Variants in BACE2 observed in about 807,000 individuals in gnomAD.
BACE2 encodes the protein beta-secretase 2, also known as 56 kDa aspartic-like protease.
A neutral mutation model predicts 46.2 loss-of-function variants in BACE2; 17 were observed. The ratio of observed to expected loss-of-function variants is 0.37; its 90% CI spans 0.25 to 0.55. The LOEUF is 0.55. Among genes scored for constraint, BACE2 ranks in the 20% least tolerant of loss-of-function variants. BACE2 has a pLI of 0.82. For missense variants in BACE2, 595 were observed against 698.1 expected (o/e 0.85, Z 1.66); for synonymous variants, 277 against 295.9 (o/e 0.94, Z 0.66).
At chr21:41,251,273 C>A (rs1322927722) in intron 7 of BACE2, among the ~76,000 whole-genome samples, 1 of 152,192 alleles carries the variant, frequency 6.6e-6, no homozygotes, top group African/African-American at 2.4e-5. Flanking sequence ...AAGAACCACA[C>A]AGGGGCTCCT....
chr21:41,191,875 A>T (rs55904082), intron 1 of BACE2, among the ~76,000 whole-genome samples: 2,643 of 152,252 alleles, frequency 0.017, 59 homozygotes, highest in East Asian at 0.12. Context: ...TGGGATACAA[A>T]TATCTTCACA....
chr21:41,256,648 G>A (rs1489556407), intron 7 of BACE2, among the ~76,000 whole-genome samples: 1 of 152,122 alleles, frequency 6.6e-6, no homozygotes, highest in Non-Finnish European at 1.5e-5. Context: ...CCTCTAGCCT[G>A]GAAGCCCCAC....
chr21:41,172,133 A>G (rs556112770), intron 1 of BACE2, among the ~76,000 whole-genome samples: 1 of 152,362 alleles, frequency 6.6e-6, no homozygotes, highest in East Asian at 1.9e-4. Flanking sequence ...GACAATGAGA[A>G]AAAACAATTA....
chr21:41,262,343 C>T (rs1987960649), intron 8 of BACE2, among the ~76,000 whole-genome samples: 1 of 152,074 alleles, frequency 6.6e-6, no homozygotes. Flanking sequence ...TTGTCATGTA[C>T]CAAGTCCCCA....
At chr21:41,189,523 TA>T (rs1434652215) in intron 1 of BACE2, among the ~76,000 whole-genome samples, 8 of 152,246 alleles carry the variant, frequency 5.3e-5, no homozygotes, top group African/African-American at 1.9e-4. Context: ...TGATTTTGCT[TA>T]ACACTTGATT....
intron 1 of BACE2, chr21:41,176,094 A>C (rs908804338): frequency 2.6e-5 from 4 of 152,222 alleles, no homozygotes; most frequent in Non-Finnish European, 4.4e-5. Context: ...GAATTTGAAC[A>C]AGTGACCTCA....
intron 1 of BACE2, among the ~76,000 whole-genome samples, chr21:41,173,935 T>C (rs983555283): frequency 5.9e-5 from 9 of 151,954 alleles, no homozygotes; most frequent in African/African-American, 1.9e-4. Context: ...AAAGACATTA[T>C]AAGGCAACCC....
chr21:41,266,033 A>C (rs1172299757), intron 8 of BACE2, among the ~76,000 whole-genome samples: 3 of 152,190 alleles, frequency 2.0e-5, no homozygotes, highest in Non-Finnish European at 4.4e-5. Context: ...ATTACTGCAT[A>C]CCAAATTCTA....
chr21:41,201,808 T>TG (rs1430673577), intron 1 of BACE2, among the ~76,000 whole-genome samples: 1 of 152,184 alleles, frequency 6.6e-6, no homozygotes, highest in African/African-American at 2.4e-5. Context: ...GTGTTGACAG[T>TG]GGAGGGAGAT....
intron 8 of BACE2, among the ~76,000 whole-genome samples, chr21:41,260,826 C>G (rs1302814608): frequency 6.6e-6 from 1 of 152,180 alleles, no homozygotes; most frequent in Non-Finnish European, 1.5e-5. Context: ...CCGCAGTCAT[C>G]TTGGAAACAT....
At chr21:41,221,262 C>G (rs568797561) in intron 1 of BACE2, among the ~76,000 whole-genome samples, 3 of 152,142 alleles carry the variant, frequency 2.0e-5, no homozygotes, top group Admixed American at 6.5e-5. Flanking sequence ...CTGGCAGATG[C>G]CCAGGACTGT....
chr21:41,234,164 A>T (rs1987046508), intron 2 of BACE2, among the ~76,000 whole-genome samples: 2 of 152,188 alleles, frequency 1.3e-5, no homozygotes, highest in Non-Finnish European at 1.5e-5. Flanking sequence ...TGATGGTTTT[A>T]TAAGGGGAAA....
chr21:41,221,612 T>G (rs1356514890), intron 1 of BACE2, among the ~76,000 whole-genome samples: 1 of 151,978 alleles, frequency 6.6e-6, no homozygotes, highest in East Asian at 1.9e-4. Context: ...GATCACGAGG[T>G]CAGGAGATCG....
At chr21:41,179,890 A>AT in intron 1 of BACE2, 1 of 379,822 alleles carries the variant, frequency 2.6e-6, no homozygotes, top group South Asian at 2.1e-5. Flanking sequence ...CCAGTGATGC[A>AT]GGACAGGCGA....
At chr21:41,230,689 T>C (rs1986945179) in intron 2 of BACE2, among the ~76,000 whole-genome samples, 2 of 152,218 alleles carry the variant, frequency 1.3e-5, no homozygotes. Context: ...ATTGGAGATT[T>C]GGCGTGGGGT....
chr21:41,231,581 T>C (rs1423903606), intron 2 of BACE2, among the ~76,000 whole-genome samples: 1 of 152,216 alleles, frequency 6.6e-6, no homozygotes, highest in Non-Finnish European at 1.5e-5. Context: ...AAACGTTCTG[T>C]AGCTCTTTTC....
At chr21:41,258,124 A>C (rs990487559) in intron 8 of BACE2, among the ~76,000 whole-genome samples, 6 of 152,198 alleles carry the variant, frequency 3.9e-5, no homozygotes, top group Non-Finnish European at 8.8e-5. Context: ...GCAGCCTTTC[A>C]AAACAAGATG....
intron 1 of BACE2, chr21:41,186,057 T>C (rs1385166127): frequency 6.6e-6 from 1 of 152,354 alleles, no homozygotes; most frequent in Non-Finnish European, 1.5e-5. Flanking sequence ...GGCAAGAATG[T>C]GCTTCAAGGC....
rs768504807 is a variant in BACE2, at chr21:41,275,688, A to G, written c.*64A>G. On this transcript the variant is annotated 3_prime_UTR_variant, in exon 9 of 9. Transcript: ENST00000330333. ...ATTAAGAAAATCACATTTCCAGGGC[A>G]GCAGCCGGGATCGATGGTGGCGCTT... 4.4e-6 allele frequency: 7 copies of G among 1,579,364 alleles called. No homozygotes were observed. The highest frequency in any genetic ancestry group is 6.0e-6 in the Non-Finnish European group (7 of 1,162,284).
Sources: allele counts gnomAD v4.1 joint callset (sites outside exome capture counted in the v4.1 genomes callset), GRCh38; gene constraint gnomAD v4.1.1; transcripts MANE v1.5; gene names NCBI Gene and HGNC (gene_info 2026-07-23, HGNC 2026-07-21).